The following DLC1 variants were observed in gnomAD, a reference collection of about 807,000 sequenced individuals.
The protein encoded by DLC1 is DLC1 Rho GTPase activating protein.
Under a neutral mutation model 140.3 loss-of-function variants are expected in DLC1, and 54 were observed. That is an observed-to-expected ratio of 0.38 (90% CI 0.31 to 0.48). The LOEUF (loss-of-function observed/expected upper bound fraction) is 0.48, where lower values mean the gene tolerates loss of function less well. Among genes scored for constraint, DLC1 ranks in the 20% least tolerant of loss-of-function variants. The probability of loss-of-function intolerance (pLI) is 0.96; values close to 1 mark genes in which losing one functional copy is unlikely to be tolerated. For synonymous variants in DLC1, 986 were observed against 728.1 expected (o/e 1.35, Z -5.70); for missense variants, 2,536 against 1,907.0 (o/e 1.33, Z -6.14).
chr8:13,481,209 G>C (rs1035309582), intron 2 of DLC1, among the ~76,000 whole-genome samples: 4 of 152,148 alleles, frequency 2.6e-5, no homozygotes. Context: ...TGGATCACTT[G>C]AGCTCAAGAG....
chr8:13,418,285 T>C (rs1838163320), intron 2 of DLC1, among the ~76,000 whole-genome samples: 1 of 152,202 alleles, frequency 6.6e-6, no homozygotes, highest in Non-Finnish European at 1.5e-5. Flanking sequence ...ATGAAGTCCT[T>C]GCCCATGCCT....
chr8:13,306,983 C>G (rs184141337), intron 4 of DLC1, among the ~76,000 whole-genome samples: 1 of 145,400 alleles, frequency 6.9e-6, no homozygotes, highest in Non-Finnish European at 1.5e-5. Context: ...ACTCAGGAGG[C>G]TGAGGCAGGA....
rs140765622 is a variant in DLC1 at position 13,204,219 on chromosome 8, T to C, written c.1349-88562A>G. On this transcript the variant is annotated intron_variant, in intron 5 of 17. Coordinates refer to ENST00000276297, the MANE Select transcript of DLC1 (RefSeq NM_182643.3). ...AGGATTAGGATGACGGGACCCGCGG[T>C]TGGATGACCTCTGTTGGATGTGCTA... Among the ~76,000 whole-genome samples the C allele has an allele frequency of 1.5e-3, 222 of 152,212 alleles. 2 individuals are homozygous for C. The highest frequency in any genetic ancestry group is 3.4e-3 in the Middle Eastern group (1 of 292).
intron 2 of DLC1, among the ~76,000 whole-genome samples, chr8:13,437,069 G>A (rs754268521): frequency 1.3e-5 from 2 of 152,142 alleles, no homozygotes; most frequent in South Asian, 2.1e-4. Flanking sequence ...AAAATCTGAT[G>A]GCCCAATGAA....
At chr8:13,437,661 C>T (rs1042210488) in intron 2 of DLC1, among the ~76,000 whole-genome samples, 2 of 152,114 alleles carry the variant, frequency 1.3e-5, no homozygotes, top group Admixed American at 1.3e-4. Context: ...AAACTGGCTC[C>T]CAGGGACAAC....
intron 4 of DLC1, among the ~76,000 whole-genome samples, chr8:13,326,771 G>T (rs1254465004): frequency 1.3e-5 from 2 of 152,166 alleles, no homozygotes; most frequent in African/African-American, 4.8e-5. Flanking sequence ...TGGGGCTGAA[G>T]AAGTTATATT....
At chr8:13,242,183 C>T (rs144600279) in intron 5 of DLC1, among the ~76,000 whole-genome samples, 2 of 152,234 alleles carry the variant, frequency 1.3e-5, no homozygotes, top group African/African-American at 2.4e-5. Context: ...TCTTAGTCCT[C>T]ATTCTGTTCC....
In DLC1 at chr8:13,420,313, C is replaced by A. The variant is rs369268936; in HGVS notation, c.1024-18694G>T. The stretch of plus-strand genomic sequence containing the variant: ...GGATTTTCTTATGTCCTCATAATAG[C>A]ATGAAAGGAGAAAGTAGGGAGGAAA... On this transcript the variant is annotated intron_variant, in intron 2 of 17. Coordinates refer to ENST00000276297, the MANE Select transcript of DLC1 (RefSeq NM_182643.3). Among the ~76,000 whole-genome samples the A allele has an allele frequency of 1.6e-4, 24 of 151,994 alleles. No individual in the cohort carries two copies. In the East Asian group the frequency reaches 2.7e-3, roughly 17 times the overall value.
At chr8:13,295,842 A>G (rs916224169) in intron 5 of DLC1, among the ~76,000 whole-genome samples, 4 of 150,956 alleles carry the variant, frequency 2.6e-5, no homozygotes, top group African/African-American at 9.7e-5. Context: ...TTGTGTATAT[A>G]TTCACATTAT....
At position 13,439,067 on chromosome 8, in the gene DLC1, C is replaced by T. The variant is rs572535107; in HGVS notation, c.1024-37448G>A. On this transcript the variant is annotated intron_variant, in intron 2 of 17. Transcript: ENST00000276297. ...AGAGGCCGAGCACAGTGGCTCATGCCTGTAATCCCAACACTTTGGGAGGCC... is the reference window on the plus strand; with the variant it reads ...AGAGGCCGAGCACAGTGGCTCATGCTTGTAATCCCAACACTTTGGGAGGCC... 2.9e-4 allele frequency among the ~76,000 whole-genome samples: 44 copies of T among 152,248 alleles called. No homozygotes were observed. The South Asian group carries it at 8.7e-3, about 30-fold the overall frequency.
intron 4 of DLC1, among the ~76,000 whole-genome samples, chr8:13,371,742 C>T (rs1236661451): frequency 6.6e-6 from 1 of 152,156 alleles, no homozygotes; most frequent in East Asian, 1.9e-4. Flanking sequence ...TCCAGGCTTT[C>T]CTGAGTTAGA....
intron 1 of DLC1, among the ~76,000 whole-genome samples, chr8:13,528,572 C>T (rs565117240): frequency 1.8e-4 from 28 of 152,164 alleles, no homozygotes; most frequent in African/African-American, 6.5e-4. Context: ...AACAGAATTT[C>T]CTCTACTTAT....
chr8:13,205,045 T>C (rs1827586683), intron 5 of DLC1, among the ~76,000 whole-genome samples: 2 of 152,188 alleles, frequency 1.3e-5, no homozygotes, highest in Non-Finnish European at 2.9e-5. Flanking sequence ...CAATCCCATG[T>C]TAAAATGAGG....
intron 8 of DLC1, among the ~76,000 whole-genome samples, chr8:13,102,568 G>T (rs1819185083): frequency 6.6e-6 from 1 of 152,140 alleles, no homozygotes; most frequent in Non-Finnish European, 1.5e-5. Flanking sequence ...TAGCTGATGT[G>T]ATCAGGTCAA....
At chr8:13,219,115 A>C (rs187787839) in intron 5 of DLC1, among the ~76,000 whole-genome samples, 12,421 of 68,516 alleles carry the variant, frequency 0.18, 3,905 homozygotes, top group African/African-American at 0.35. Flanking sequence ...ATTATATGTG[A>C]ATATAATTAT....
At chr8:13,108,001 C>T (rs1366039485) in intron 7 of DLC1, among the ~76,000 whole-genome samples, 3 of 152,034 alleles carry the variant, frequency 2.0e-5, no homozygotes, top group East Asian at 1.9e-4. Context: ...GCCGAGATCA[C>T]GCCACTGTAC....
rs554682117 is a variant in DLC1 at position 13,187,213 on chromosome 8, A to G, written c.1349-71556T>C. 2.0e-5 allele frequency among the ~76,000 whole-genome samples: 3 copies of G among 151,928 alleles called. No individual in the cohort carries two copies. In the South Asian group the frequency reaches 6.2e-4, roughly 32 times the overall value. On this transcript the variant is annotated intron_variant, in intron 5 of 17. Coordinates refer to ENST00000276297, the MANE Select transcript of DLC1 (RefSeq NM_182643.3). ...AGAATCTATACAGAATGTATAATTTATTTTTTCTCTGTTGTTTGCCTCTCA... is the reference window on the plus strand; with the variant it reads ...AGAATCTATACAGAATGTATAATTTGTTTTTTCTCTGTTGTTTGCCTCTCA...
chr8:13,275,107 T>G (rs1831106807), intron 5 of DLC1, among the ~76,000 whole-genome samples: 1 of 152,244 alleles, frequency 6.6e-6, no homozygotes, highest in South Asian at 2.1e-4. Flanking sequence ...CGACTTGACA[T>G]TGTTTACTTT....
intron 2 of DLC1, among the ~76,000 whole-genome samples, chr8:13,469,712 T>C (rs368484179): frequency 1.2e-4 from 19 of 152,348 alleles, no homozygotes; most frequent in African/African-American, 4.3e-4. Flanking sequence ...AAAGATATTA[T>C]TGAGATATAT....
Sources: gnomAD v4.1 joint callset for allele counts (sites outside exome capture counted in the v4.1 genomes callset) on GRCh38, gnomAD v4.1.1 for gene constraint, MANE v1.5 for transcripts, NCBI Gene and HGNC (gene_info 2026-07-23, HGNC 2026-07-21) for gene names.